The following APC variants were observed in gnomAD, a reference collection of about 807,000 sequenced individuals.
APC encodes the protein APC regulator of Wnt signaling pathway.
Under a neutral mutation model 247.0 loss-of-function variants are expected in APC, and 72 were observed. The ratio of observed to expected loss-of-function variants is 0.29; its 90% CI spans 0.24 to 0.35. APC has a LOEUF of 0.35. APC is among the 10% of genes least tolerant of loss of function. APC has a pLI of 1.00. For synonymous variants in APC, 1,254 were observed against 1,162.5 expected (o/e 1.08, Z -1.60); for missense variants, 3,400 against 3,360.7 (o/e 1.01, Z -0.29).
At chr5:112,738,226 C>T in intron 1 of APC, 1 of 961,376 alleles carries the variant, frequency 1.0e-6, no homozygotes, top group African/African-American at 1.8e-5. Flanking sequence ...TTTATAATGC[C>T]ATTTGACAGA....
intron 8 of APC, among the ~76,000 whole-genome samples, chr5:112,802,737 T>C (rs1239202081): frequency 6.6e-6 from 1 of 152,034 alleles, no homozygotes; most frequent in Non-Finnish European, 1.5e-5. Flanking sequence ...AAAGAAAGGA[T>C]TGATAGATTT....
At chr5:112,738,878 A>T (rs527708922) in intron 1 of APC, among the ~76,000 whole-genome samples, 1 of 152,368 alleles carries the variant, frequency 6.6e-6, no homozygotes, top group East Asian at 1.9e-4. Flanking sequence ...TCTTTGATTT[A>T]ACATAAATCC....
chr5:112,823,181 A>T (rs1428965576), intron 11 of APC: 1 of 152,688 alleles, frequency 6.5e-6, no homozygotes, highest in Admixed American at 6.5e-5. Flanking sequence ...CAGTTTTAAG[A>T]TACCTCAAAA....
intron 1 of APC, among the ~76,000 whole-genome samples, chr5:112,727,041 GT>G (rs546312636): frequency 1.3e-5 from 2 of 151,744 alleles, no homozygotes; most frequent in South Asian, 2.1e-4. Context: ...ATACTATTAG[GT>G]TGGTGCAAAA....
At chr5:112,805,089 G>A (rs931409071) in intron 8 of APC, among the ~76,000 whole-genome samples, 4 of 151,662 alleles carry the variant, frequency 2.6e-5, no homozygotes, top group Admixed American at 2.0e-4. Flanking sequence ...AGAAATGTGT[G>A]GGAGAATGTT....
chr5:112,731,639 A>G (rs1484056986), intron 1 of APC, among the ~76,000 whole-genome samples: 1 of 152,182 alleles, frequency 6.6e-6, no homozygotes, highest in African/African-American at 2.4e-5. Flanking sequence ...AAAGACTTAT[A>G]TGTCCTCACT....
intron 14 of APC, among the ~76,000 whole-genome samples, chr5:112,833,153 A>G (rs114282676): frequency 0.02 from 3,001 of 148,218 alleles, 109 homozygotes; most frequent in African/African-American, 0.071. Context: ...AGCTGGACCT[A>G]TAGGTGTGCA....
chr5:112,765,888 T>C (rs1177412709), intron 2 of APC, among the ~76,000 whole-genome samples: 1 of 152,170 alleles, frequency 6.6e-6, no homozygotes. Context: ...AAAGCTTGAA[T>C]GTTGAAGTTG....
chr5:112,816,474 A>G (rs183455922), intron 9 of APC, among the ~76,000 whole-genome samples: 19 of 152,244 alleles, frequency 1.2e-4, no homozygotes, highest in Admixed American at 5.9e-4. Context: ...ATATTTTAGG[A>G]TTTGGGAATA....
At position 112,769,511 on chromosome 5, in the gene APC, T is replaced by G. The variant is rs77010277; in HGVS notation, c.422+2121T>G. On this transcript the variant is annotated intron_variant, in intron 4 of 15. Coordinates refer to ENST00000257430, the MANE Select transcript of APC (RefSeq NM_000038.6). ...CAAAATATAGATCATTATCAGGAAC[T>G]TCGTCAAATGTTTTATGTCCCCTAA... 0.08 allele frequency among the ~76,000 whole-genome samples: 9,871 copies of G among 123,904 alleles called. 695 individuals are homozygous for G. Among genetic ancestry groups the G allele is most frequent in the East Asian group, 0.23 (712 of 3,102 alleles). 81.3% of individuals were successfully genotyped at this position (123,904 alleles called of 152,430 possible).
intron 2 of APC, among the ~76,000 whole-genome samples, chr5:112,764,432 G>C (rs1040079338): frequency 2.0e-5 from 3 of 152,212 alleles, no homozygotes; most frequent in African/African-American, 7.2e-5. Context: ...AGAATCACCA[G>C]AAATCCATAA....
chr5:112,727,091 C>T (rs1242531891), intron 1 of APC, among the ~76,000 whole-genome samples: 3 of 151,444 alleles, frequency 2.0e-5, no homozygotes, highest in Admixed American at 6.6e-5. Context: ...ATGGTAAAAA[C>T]GCAATTACTT....
At chr5:112,717,404 G>A (rs1751233195) in intron 1 of APC, among the ~76,000 whole-genome samples, 1 of 152,052 alleles carries the variant, frequency 6.6e-6, no homozygotes. Context: ...GTTAATGCAT[G>A]TCTTTACCAT....
At chr5:112,737,231 T>C (rs549825791), upstream of APC, among the ~76,000 whole-genome samples, 1 of 152,310 alleles carries the variant, frequency 6.6e-6, no homozygotes. Context: ...TCTGTTCCCG[T>C]TTTATACAGC....
chr5:112,790,365 G>A (rs1445155231), intron 6 of APC, among the ~76,000 whole-genome samples: 1 of 151,550 alleles, frequency 6.6e-6, no homozygotes, highest in Non-Finnish European at 1.5e-5. Context: ...TCTCACTCTC[G>A]CCCAGGCTGG....
At chr5:112,769,050 CTTTTTTT>C (rs11379766) in intron 4 of APC, among the ~76,000 whole-genome samples, 40 of 96,824 alleles carry the variant, frequency 4.1e-4, no homozygotes, top group Non-Finnish European at 6.4e-4. Flanking sequence ...TTTTTTTCTT[CTTTTTTT>C]TTTTTTTTTT....
chr5:112,816,670 G>A (rs568902893), intron 9 of APC, among the ~76,000 whole-genome samples: 1 of 151,684 alleles, frequency 6.6e-6, no homozygotes, highest in African/African-American at 2.4e-5. Context: ...GCACATGGCT[G>A]TAATCCCAGC....
Position 112,838,873 on chromosome 5 carries a change from T to G in APC, c.3279T>G (p.Phe1093Leu), listed in dbSNP as rs199539973. ...DDKHLKFQPHFGQQECVSPYR... is the reference protein window; with the variant it reads ...DDKHLKFQPHLGQQECVSPYR... Reference sequence around the variant, plus strand: ...AACACCTCAAGTTCCAACCACATTTTGGACAGCAGGAATGTGTTTCTCCAT... The same window carrying G: ...AACACCTCAAGTTCCAACCACATTTGGGACAGCAGGAATGTGTTTCTCCAT... The change falls in exon 16 of 16, where the codon TTT (phenylalanine) becomes TTG (leucine). Residue 1093 changes from phenylalanine to leucine, a missense_variant. Physicochemically the swap from Phe to Leu is conservative, Grantham distance 22 (BLOSUM62 0). Transcript: ENST00000257430. 3.1e-6 allele frequency: 5 copies of G among 1,614,046 alleles called. No homozygotes were observed. The highest frequency in any genetic ancestry group is 4.2e-6 in the Non-Finnish European group (5 of 1,180,046).
intron 8 of APC, among the ~76,000 whole-genome samples, chr5:112,803,147 C>G (rs1458362380): frequency 6.6e-6 from 1 of 152,096 alleles, no homozygotes; most frequent in African/African-American, 2.4e-5. Context: ...GGTGAGCAAA[C>G]AGGCATTCTC....
Sources: gnomAD v4.1 joint callset for allele counts (sites outside exome capture counted in the v4.1 genomes callset) on GRCh38, gnomAD v4.1.1 for gene constraint, MANE v1.5 for transcripts, NCBI Gene and HGNC (gene_info 2026-07-23, HGNC 2026-07-21) for gene names.